ZMAT4: variants seen among roughly 807,000 people sequenced by gnomAD.
ZMAT4 encodes zinc finger matrin-type 4, also known as zinc finger matrin-type protein 4.
A neutral mutation model predicts 28.7 loss-of-function variants in ZMAT4; 17 were observed. The ratio of observed to expected loss-of-function variants is 0.59; its 90% confidence interval spans 0.41 to 0.89. The LOEUF is 0.89. Ranked by LOEUF, ZMAT4 falls within the 40% of genes least tolerant of loss-of-function variation. The pLI, the probability that ZMAT4 is intolerant of heterozygous loss-of-function variation, is 0.00. For missense variants in ZMAT4, 240 were observed against 283.8 expected (o/e 0.85, Z 1.11); for synonymous variants, 117 against 109.2 (o/e 1.07, Z -0.44).
intron 6 of ZMAT4, among the ~76,000 whole-genome samples, chr8:40,568,410 C>T (rs535566370): frequency 6.0e-4 from 91 of 152,234 alleles, no homozygotes; most frequent in African/African-American, 2.0e-3. Flanking sequence ...TTCTTCTATC[C>T]CGCAGCTTCA....
chr8:40,724,490 T>G (rs1458875782), intron 3 of ZMAT4, among the ~76,000 whole-genome samples: 1 of 152,232 alleles, frequency 6.6e-6, no homozygotes, highest in Non-Finnish European at 1.5e-5. Flanking sequence ...ACATCTAGCT[T>G]TTCAGTGGTC....
intron 3 of ZMAT4, among the ~76,000 whole-genome samples, chr8:40,756,251 T>C (rs1465423806): frequency 1.3e-5 from 2 of 151,940 alleles, no homozygotes; most frequent in East Asian, 1.9e-4. Context: ...CCAAAGTCTG[T>C]GTTCCATTCT....
At chr8:40,601,622 GAA>G (rs1244618405) in intron 5 of ZMAT4, among the ~76,000 whole-genome samples, 1 of 26,268 alleles carries the variant, frequency 3.8e-5, no homozygotes, top group Non-Finnish European at 1.1e-4. Context: ...AAGAAAGAAA[GAA>G]AGAAAGAAAG....
In ZMAT4 at chr8:40,822,155, C is replaced by T. The variant is rs566860812; in HGVS notation, c.102+3420G>A. Among the ~76,000 whole-genome samples the T allele has an allele frequency of 2.0e-5, 3 of 152,352 alleles. No individual in the cohort carries two copies. The South Asian group carries it at 6.2e-4, about 32-fold the overall frequency. On this transcript the variant is annotated intron_variant, in intron 2 of 6. Coordinates refer to ENST00000297737, the MANE Select transcript of ZMAT4 (RefSeq NM_024645.3). ...CTTAAAAGCAGACAGCAGAATTCTA[C>T]AGATCATGTGCTTGGAATCATACAG... is the stretch of plus-strand genomic sequence containing the variant.
chr8:40,720,661 A>G (rs1811046173), intron 3 of ZMAT4, among the ~76,000 whole-genome samples: 1 of 151,136 alleles, frequency 6.6e-6, no homozygotes, highest in South Asian at 2.1e-4. Flanking sequence ...CCAAGTAGCT[A>G]AGATTACAGG....
intron 2 of ZMAT4, among the ~76,000 whole-genome samples, chr8:40,780,638 C>T (rs1813789872): frequency 6.6e-6 from 1 of 151,718 alleles, no homozygotes; most frequent in Non-Finnish European, 1.5e-5. Context: ...AAGATATTAC[C>T]AATATGAAGC....
At chr8:40,592,166 C>A (rs1020139039) in intron 5 of ZMAT4, among the ~76,000 whole-genome samples, 1 of 152,038 alleles carries the variant, frequency 6.6e-6, no homozygotes, top group African/African-American at 2.4e-5. Flanking sequence ...TTAGGGTGTC[C>A]CAAGTAAGGA....
At chr8:40,619,010 G>A (rs1806111265) in intron 5 of ZMAT4, among the ~76,000 whole-genome samples, 1 of 152,238 alleles carries the variant, frequency 6.6e-6, no homozygotes, top group Non-Finnish European at 1.5e-5. Context: ...CGAGTGTAAA[G>A]GAGTTAATGT....
Position 40,710,617 on chromosome 8 carries a change from G to C in ZMAT4, c.193-13216C>G, listed in dbSNP as rs79893388. ...ACAAAAAGAAACCCAGCCTTTTGTG[G>C]GGGGAAAAAAAAAAAGACTAATTCT... is the stretch of plus-strand genomic sequence containing the variant. On this transcript the variant is annotated intron_variant, in intron 3 of 6. Coordinates refer to ENST00000297737, the MANE Select transcript of ZMAT4 (RefSeq NM_024645.3). Among the ~76,000 whole-genome samples the C allele has an allele frequency of 2.9e-3, 430 of 150,696 alleles. 1 individual carries two copies. The highest frequency in any genetic ancestry group is 9.7e-3 in the African/African-American group (392 of 40,588).
intron 6 of ZMAT4, among the ~76,000 whole-genome samples, chr8:40,577,052 G>A (rs937454410): frequency 6.6e-6 from 1 of 152,128 alleles, no homozygotes; most frequent in Non-Finnish European, 1.5e-5. Context: ...AAATTAGCCA[G>A]GCATTATGGT....
intron 1 of ZMAT4, among the ~76,000 whole-genome samples, chr8:40,872,263 T>A (rs1291892920): frequency 6.6e-6 from 1 of 152,054 alleles, no homozygotes; most frequent in East Asian, 1.9e-4. Flanking sequence ...AGAAACAGTA[T>A]CCCACAAGGA....
chr8:40,756,548 G>GT (rs1248599630), intron 3 of ZMAT4, among the ~76,000 whole-genome samples: 1 of 148,062 alleles, frequency 6.8e-6, no homozygotes, highest in Non-Finnish European at 1.5e-5. Context: ...CCAAATATCC[G>GT]TAAGTAGGGG....
intron 1 of ZMAT4, among the ~76,000 whole-genome samples, chr8:40,887,343 G>A (rs545844402): frequency 5.4e-4 from 82 of 151,160 alleles, no homozygotes; most frequent in African/African-American, 1.7e-3. Context: ...ACAAAAATTA[G>A]CCAGGCATCA....
chr8:40,686,865 A>C (rs1348420107), intron 4 of ZMAT4, among the ~76,000 whole-genome samples: 1 of 152,066 alleles, frequency 6.6e-6, no homozygotes, highest in Non-Finnish European at 1.5e-5. Context: ...GTTACTTTGC[A>C]GGCATCTTGA....
Position 40,769,495 on chromosome 8 carries a change from G to T in ZMAT4, c.103-1765C>A, listed in dbSNP as rs935707599. Among the ~76,000 whole-genome samples, 4 of 152,080 alleles carry T rather than the reference G, an allele frequency of 2.6e-5. No individual in the cohort carries two copies. In the South Asian group the frequency reaches 8.3e-4, roughly 32 times the overall value. On this transcript the variant is annotated intron_variant, in intron 2 of 6. Coordinates refer to ENST00000297737, the MANE Select transcript of ZMAT4 (RefSeq NM_024645.3). ...GTAAGGAAGGAGTCATGGTTATATT[G>T]GGACTACTACTACAGTCAAAAGAAT...
At chr8:40,800,307 C>T (rs1236281312) in intron 2 of ZMAT4, among the ~76,000 whole-genome samples, 1 of 152,038 alleles carries the variant, frequency 6.6e-6, no homozygotes, top group African/African-American at 2.4e-5. Context: ...GGGCACTTCA[C>T]CACATCTCTA....
chr8:40,571,307 A>AG (rs11431433), intron 6 of ZMAT4, among the ~76,000 whole-genome samples: 149,366 of 152,204 alleles, frequency 0.98, 73,363 homozygotes, highest in Middle Eastern at 1. Flanking sequence ...AGTGCAACTT[A>AG]GAAAAATAGA....
chr8:40,766,039 G>A (rs1452375850), intron 3 of ZMAT4, among the ~76,000 whole-genome samples: 2 of 152,112 alleles, frequency 1.3e-5, no homozygotes, highest in East Asian at 3.9e-4. Context: ...TTTCTGAGAG[G>A]AATGTGCCTA....
At chr8:40,862,651 A>G (rs1340130260) in intron 1 of ZMAT4, among the ~76,000 whole-genome samples, 3 of 149,722 alleles carry the variant, frequency 2.0e-5, no homozygotes, top group Admixed American at 6.7e-5. Flanking sequence ...ATAAAAAAGG[A>G]TGAGTTCATG....
Sources: allele counts gnomAD v4.1 joint callset (sites outside exome capture counted in the v4.1 genomes callset), GRCh38; gene constraint gnomAD v4.1.1; transcripts MANE v1.5; gene names NCBI Gene and HGNC (gene_info 2026-07-23, HGNC 2026-07-21).